The following KCTD3 variants were observed in gnomAD, a reference collection of about 807,000 sequenced individuals.
The protein encoded by KCTD3 is BTB/POZ domain-containing protein KCTD3.
In KCTD3, 41 loss-of-function variants were observed where a neutral mutation model predicts 85.8. That is an observed-to-expected ratio of 0.48 (90% CI 0.37 to 0.62). KCTD3 has a LOEUF of 0.62. Ranked by LOEUF, KCTD3 falls within the 20% of genes least tolerant of loss-of-function variation. KCTD3 has a pLI of 0.00. For synonymous variants in KCTD3, 338 were observed against 345.4 expected (o/e 0.98, Z 0.24); for missense variants, 724 against 989.9 (o/e 0.73, Z 3.60).
intron 15 of KCTD3, chr1:215,618,520 T>C (rs755395359): frequency 1.7e-5 from 3 of 176,640 alleles, no homozygotes; most frequent in Non-Finnish European, 3.5e-5. Flanking sequence ...AGTTAGCCCT[T>C]ACGTGACTTT....
chr1:215,576,361 GC>G (rs1659581941), intron 4 of KCTD3, among the ~76,000 whole-genome samples: 1 of 150,332 alleles, frequency 6.7e-6, no homozygotes, highest in Non-Finnish European at 1.5e-5. Context: ...GAGCCACTAC[GC>G]CCAGCCAGAA....
chr1:215,608,582 A>C (rs1655118140), intron 14 of KCTD3, among the ~76,000 whole-genome samples: 1 of 151,970 alleles, frequency 6.6e-6, no homozygotes, highest in Admixed American at 6.6e-5. Context: ...TGACATCGTA[A>C]TATTCATTAG....
chr1:215,611,783 A>G, intron 14 of KCTD3, 42 bp from the exon 15 acceptor site: 1 of 1,304,492 alleles, frequency 7.7e-7, no homozygotes. Context: ...AGAAAAAATA[A>G]AATTTTAATT....
At chr1:215,601,586 A>T (rs577527783) in intron 10 of KCTD3, among the ~76,000 whole-genome samples, 2 of 152,188 alleles carry the variant, frequency 1.3e-5, no homozygotes, top group Non-Finnish European at 1.5e-5. Flanking sequence ...ATGCAAAAAA[A>T]GAGGAGACAA....
chr1:215,583,057 C>T (rs1001065337), intron 8 of KCTD3, among the ~76,000 whole-genome samples: 19 of 150,574 alleles, frequency 1.3e-4, no homozygotes, highest in Non-Finnish European at 1.6e-4. Flanking sequence ...TGTGTAATAC[C>T]CTAATTACTA....
In KCTD3 at chr1:215,573,851, A is replaced by G. The variant is rs184776872; in HGVS notation, c.137+12A>G. On this transcript the variant is annotated intron_variant, in intron 2 of 17. Transcript: ENST00000259154. ...TCTTTTTTTTCCAGGTATGTCTTAT[A>G]ATTCTTTAGTGTATATTTTAATACA... The G allele has an allele frequency of 2.0e-4, 289 of 1,459,408 alleles. 2 individuals carry two copies. The highest frequency in any genetic ancestry group is 1.0e-5 in the Non-Finnish European group (11 of 1,049,606). The allele number at this position is 1,459,408 out of a possible 1,614,324, so 90.4% of individuals were successfully genotyped here. A position where few individuals can be genotyped will look rare whatever the true frequency, so the allele number is the denominator to read the frequency against.
chr1:215,573,841 T>C lies in KCTD3; in HGVS notation c.137+2T>C. 2.0e-6 allele frequency: 3 copies of C among 1,521,792 alleles called. No homozygotes were observed. The highest frequency in any genetic ancestry group is 2.7e-6 in the Non-Finnish European group (3 of 1,102,558). The allele number at this position is 1,521,792 out of a possible 1,614,324, so 94.3% of individuals were successfully genotyped here. A position where few individuals can be genotyped will look rare whatever the true frequency, so the allele number is the denominator to read the frequency against. Reference sequence around the variant, plus strand: ...GATTCCAGATTCTTTTTTTTCCAGGTATGTCTTATAATTCTTTAGTGTATA... The same window carrying C: ...GATTCCAGATTCTTTTTTTTCCAGGCATGTCTTATAATTCTTTAGTGTATA... On this transcript the variant is annotated splice_donor_variant, in intron 2 of 17. Coordinates refer to ENST00000259154, the MANE Select transcript of KCTD3 (RefSeq NM_016121.5). LOFTEE classifies it high-confidence loss of function.
intron 2 of KCTD3, 92 bp downstream of exon 2, chr1:215,573,931 G>T: frequency 9.9e-7 from 1 of 1,012,410 alleles, no homozygotes. Context: ...TAATAAAAAA[G>T]GTTAACTCTT....
chr1:215,576,396 A>C (rs1394657445), intron 4 of KCTD3, among the ~76,000 whole-genome samples: 2 of 149,846 alleles, frequency 1.3e-5, no homozygotes, highest in East Asian at 3.9e-4. Flanking sequence ...TTTTACTAAG[A>C]CTTTGATTAA....
chr1:215,580,185 A>G (rs1659766038), intron 8 of KCTD3, among the ~76,000 whole-genome samples, 186 bp downstream of exon 8: 1 of 152,144 alleles, frequency 6.6e-6, no homozygotes, highest in Non-Finnish European at 1.5e-5. Context: ...TAATTTGGTA[A>G]ATGTTTCTGA....
intron 7 of KCTD3, among the ~76,000 whole-genome samples, 165 bp from the exon 8 acceptor site, chr1:215,579,744 C>A (rs554120262): frequency 6.6e-6 from 1 of 152,084 alleles, no homozygotes; most frequent in Admixed American, 6.5e-5. Context: ...ATGATCCGCC[C>A]GCCTCGGCCT....
rs1457778469 is a variant in KCTD3 at position 215,621,692 on chromosome 1, A to G, written c.*1074A>G. ...AATGTATATATCCCCATTCCAAGAAATATAAGTGAGTGAAGTTGAAATAAA... is the reference window on the plus strand; with the variant it reads ...AATGTATATATCCCCATTCCAAGAAGTATAAGTGAGTGAAGTTGAAATAAA... On this transcript the variant is annotated 3_prime_UTR_variant, in exon 18 of 18. Transcript: ENST00000259154. 6.6e-6 allele frequency: 1 copy of G among 152,584 alleles called. No individual in the cohort carries two copies. Among genetic ancestry groups the G allele is most frequent in the Non-Finnish European group, 1.5e-5 (1 of 67,992 alleles). 9.5% of individuals were successfully genotyped at this position (152,584 alleles called of 1,614,324 possible). A position where few individuals can be genotyped will look rare whatever the true frequency, so the allele number is the denominator to read the frequency against.
In KCTD3 at chr1:215,613,445, A is replaced by G. The variant is rs144623573; in HGVS notation, c.1562+1524A>G. On this transcript the variant is annotated intron_variant, in intron 15 of 17. Coordinates refer to ENST00000259154, the MANE Select transcript of KCTD3 (RefSeq NM_016121.5). ...TTGCAGATATTTTCTCCTATCCTGT[A>G]GGTTGTCTGTTTACTCTGTTGATAG... Among the ~76,000 whole-genome samples, 429 of 152,282 alleles carry G rather than the reference A, an allele frequency of 2.8e-3. 3 individuals are homozygous for G. The highest frequency in any genetic ancestry group is 4.6e-3 in the Non-Finnish European group (311 of 68,026).
At chr1:215,612,399 A>G (rs1655267726) in intron 15 of KCTD3, among the ~76,000 whole-genome samples, 2 of 151,766 alleles carry the variant, frequency 1.3e-5, no homozygotes, top group Admixed American at 1.3e-4. Flanking sequence ...ACAACATAGC[A>G]CACATTTTTT....
intron 14 of KCTD3, 117 bp from the exon 15 acceptor site, chr1:215,611,708 T>C: frequency 1.6e-6 from 1 of 606,716 alleles, no homozygotes; most frequent in Non-Finnish European, 2.9e-6. Context: ...TGAAATGTGA[T>C]ACCATATTGG....
chr1:215,590,814 G>A (rs1219448905), intron 9 of KCTD3, among the ~76,000 whole-genome samples: 1 of 152,048 alleles, frequency 6.6e-6, no homozygotes, highest in East Asian at 1.9e-4. Context: ...TTTATTTTGG[G>A]TCACATTTTC....
intron 13 of KCTD3, among the ~76,000 whole-genome samples, chr1:215,605,542 T>C (rs990460283): frequency 1.3e-5 from 2 of 152,128 alleles, no homozygotes; most frequent in Non-Finnish European, 2.9e-5. Flanking sequence ...ATGTCAGTGG[T>C]TCCCAAACTT....
At chr1:215,582,956 ATATCT>A (rs1486783113) in intron 8 of KCTD3, among the ~76,000 whole-genome samples, 8 of 152,190 alleles carry the variant, frequency 5.3e-5, no homozygotes, top group Admixed American at 4.6e-4. Flanking sequence ...GTAAATTCAC[ATATCT>A]TATTAAGAGT....
chr1:215,596,709 G>A lies in KCTD3; in HGVS notation c.933+1238G>A, dbSNP rs1660428403. On this transcript the variant is annotated intron_variant, in intron 10 of 17. Coordinates refer to ENST00000259154, the MANE Select transcript of KCTD3 (RefSeq NM_016121.5). ...ACCTTTCAAGAAGTTTGGTGGTGAA[G>A]GAAAGCAGAGAATCCAAGTGATAGC... Among the ~76,000 whole-genome samples the A allele has an allele frequency of 2.6e-5, 4 of 152,112 alleles. No homozygotes were observed. In the South Asian group the frequency reaches 8.3e-4, roughly 32 times the overall value.
Sources: gnomAD v4.1 joint callset for allele counts (sites outside exome capture counted in the v4.1 genomes callset) on GRCh38, gnomAD v4.1.1 for gene constraint, MANE v1.5 for transcripts, NCBI Gene and HGNC (gene_info 2026-07-23, HGNC 2026-07-21) for gene names.